TFEC: variants seen among roughly 807,000 people sequenced by gnomAD.
TFEC encodes class E basic helix-loop-helix protein 34.
A neutral mutation model predicts 41.6 loss-of-function variants in TFEC; 31 were observed. The observed-to-expected ratio is 0.74, with a 90% CI of 0.56 to 1.01. The LOEUF is 1.01. Ranked by LOEUF, TFEC falls within the 50% of genes least tolerant of loss-of-function variation. TFEC has a pLI of 0.00. For missense variants in TFEC, 402 were observed against 404.1 expected, an observed-to-expected ratio of 0.99 and a Z score of 0.04; for synonymous variants, 143 against 140.6, an observed-to-expected ratio of 1.02 and a Z score of -0.12.
intron 1 of TFEC, among the ~76,000 whole-genome samples, chr7:116,012,813 AGATT>A (rs1321650365): frequency 7.6e-6 from 1 of 131,450 alleles, no homozygotes; most frequent in East Asian, 2.1e-4. Context: ...AGGATTATAA[AGATT>A]TATTTCTGGA....
intron 3 of TFEC, among the ~76,000 whole-genome samples, chr7:116,052,795 C>T (rs111877010): frequency 0.02 from 3,046 of 151,468 alleles, 89 homozygotes; most frequent in African/African-American, 0.068. Context: ...GGGGGCCGGG[C>T]GCAGTGGCTC....
rs555446714 is a variant in TFEC at position 115,938,863 on chromosome 7, C to T, written c.*1688G>A. ...ATAGTTTTCTAAGGGCCTTCACAAC[C>T]TGTTGTCAGTCTTATGCTTCAGAAC... On this transcript the variant is annotated 3_prime_UTR_variant, in exon 8 of 8. Transcript: ENST00000265440. The T allele has an allele frequency of 6.6e-6, 1 of 151,984 alleles. No individual in the cohort carries two copies. Among genetic ancestry groups the T allele is most frequent in the African/African-American group, 2.4e-5 (1 of 41,506 alleles). The allele number at this position is 151,984 out of a possible 1,614,324, so 9.4% of individuals were successfully genotyped here.
At position 115,940,605 on chromosome 7, in the gene TFEC, G is replaced by A; in HGVS notation, c.990C>T (p.Ser330=). 1.2e-6 allele frequency: 2 copies of A among 1,613,284 alleles called. No homozygotes were observed. Among genetic ancestry groups the A allele is most frequent in the Non-Finnish European group, 1.7e-6 (2 of 1,179,574 alleles). The stretch of plus-strand genomic sequence containing the variant: ...AGCTACTTCTCCTACTGCTTTCTTT[G>A]GAAACTGCAGGGGAAGTGGCAGATA... The part of the protein sequence containing the change: ...PLLSATSPAV[S]KESSRRSSFS... Residue 330 remains serine (S), a synonymous_variant, in exon 8 of 8, where the codon TCC becomes TCT. Transcript: ENST00000265440.
chr7:115,959,382 T>C (rs1792410463), intron 3 of TFEC, among the ~76,000 whole-genome samples: 1 of 151,752 alleles, frequency 6.6e-6, no homozygotes. Context: ...AGTTTCCTGG[T>C]ATCAGAGGCT....
chr7:116,034,031 C>T (rs1795850059), upstream of TFEC, among the ~76,000 whole-genome samples: 1 of 152,132 alleles, frequency 6.6e-6, no homozygotes, highest in Non-Finnish European at 1.5e-5. Flanking sequence ...GTTCTCACTT[C>T]CAACTTACTT....
intron 1 of TFEC, among the ~76,000 whole-genome samples, chr7:116,139,310 T>C (rs1562983770): frequency 6.6e-6 from 1 of 152,164 alleles, no homozygotes; most frequent in Non-Finnish European, 1.5e-5. Flanking sequence ...CCAGGAACAA[T>C]GGCCAAGTCT....
At chr7:116,038,960 C>T (rs529696910) in intron 3 of TFEC, among the ~76,000 whole-genome samples, 16 of 152,152 alleles carry the variant, frequency 1.1e-4, no homozygotes, top group South Asian at 4.1e-4. Flanking sequence ...TACTGAGAGA[C>T]GAAACGGGAT....
chr7:116,027,260 G>A (rs1056305438), intron 1 of TFEC, among the ~76,000 whole-genome samples: 2 of 152,052 alleles, frequency 1.3e-5, no homozygotes, highest in African/African-American at 4.8e-5. Context: ...TGGAAAACAA[G>A]ATATAGCCAA....
intron 2 of TFEC, among the ~76,000 whole-genome samples, chr7:115,977,432 A>G (rs1793433555): frequency 6.6e-6 from 1 of 152,110 alleles, no homozygotes; most frequent in South Asian, 2.1e-4. Context: ...CACTGAGTGC[A>G]AGAAGAAAAT....
chr7:115,983,141 T>C (rs948402204), intron 2 of TFEC, among the ~76,000 whole-genome samples: 5 of 152,110 alleles, frequency 3.3e-5, no homozygotes, highest in Admixed American at 1.3e-4. Flanking sequence ...ATAGACTGAA[T>C]AGAGAAACTG....
intron 3 of TFEC, among the ~76,000 whole-genome samples, chr7:116,055,910 C>T (rs889139789): frequency 6.6e-6 from 1 of 151,928 alleles, no homozygotes; most frequent in African/African-American, 2.4e-5. Context: ...TATACCATGC[C>T]GTTTCTGTTC....
intron 3 of TFEC, among the ~76,000 whole-genome samples, chr7:116,051,574 T>C (rs1796313075): frequency 1.3e-5 from 2 of 152,318 alleles, no homozygotes; most frequent in Middle Eastern, 6.8e-3. Flanking sequence ...GTATATCATA[T>C]TTTGTGTCAA....
At chr7:116,155,884 T>C (rs1018701714) in intron 1 of TFEC, among the ~76,000 whole-genome samples, 6 of 152,354 alleles carry the variant, frequency 3.9e-5, no homozygotes, top group African/African-American at 1.4e-4. Context: ...CTTTTTCTTT[T>C]GTCCCCAATA....
At chr7:116,035,237 C>G (rs1227197107), upstream of TFEC, among the ~76,000 whole-genome samples, 1 of 151,948 alleles carries the variant, frequency 6.6e-6, no homozygotes, top group African/African-American at 2.4e-5. Context: ...TCATAAATGT[C>G]TTCTCAACTA....
intron 1 of TFEC, among the ~76,000 whole-genome samples, chr7:116,158,751 A>C (rs892110328): frequency 1.3e-5 from 2 of 152,096 alleles, no homozygotes; most frequent in African/African-American, 4.8e-5. Context: ...AAAATGTGAT[A>C]CTAGGTCCCA....
upstream of TFEC, among the ~76,000 whole-genome samples, chr7:116,033,364 T>A (rs1341229643): frequency 6.6e-6 from 1 of 152,036 alleles, no homozygotes; most frequent in Admixed American, 6.6e-5. Context: ...TTTGCCTCAG[T>A]CTCCTCAACT....
At chr7:116,021,470 A>G (rs1795392212) in intron 1 of TFEC, among the ~76,000 whole-genome samples, 1 of 152,212 alleles carries the variant, frequency 6.6e-6, no homozygotes, top group South Asian at 2.1e-4. Context: ...ATGGTGTTGT[A>G]GCCTATAAAT....
chr7:116,092,430 G>A (rs578248147), intron 3 of TFEC, among the ~76,000 whole-genome samples: 10 of 152,170 alleles, frequency 6.6e-5, no homozygotes, highest in Admixed American at 1.3e-4. Context: ...TACATCTTTC[G>A]TGTATTCCAT....
intron 1 of TFEC, among the ~76,000 whole-genome samples, chr7:116,147,360 T>C (rs1417383716): frequency 6.6e-6 from 1 of 152,184 alleles, no homozygotes; most frequent in Non-Finnish European, 1.5e-5. Flanking sequence ...AAAAGACAGA[T>C]TAGCTAAAAA....
Sources: allele counts gnomAD v4.1 joint callset (sites outside exome capture counted in the v4.1 genomes callset), GRCh38; gene constraint gnomAD v4.1.1; transcripts MANE v1.5; gene names NCBI Gene and HGNC (gene_info 2026-07-23, HGNC 2026-07-21).